CREB5: variants seen among roughly 807,000 people sequenced by gnomAD.
The protein encoded by CREB5 is cAMP responsive element binding protein 5.
Under a neutral mutation model 57.1 loss-of-function variants are expected in CREB5, and 19 were observed. That is an observed-to-expected ratio of 0.33 (90% CI 0.23 to 0.49). CREB5 has a LOEUF of 0.49. Ranked by LOEUF, CREB5 falls within the 20% of genes least tolerant of loss-of-function variation. The pLI, the probability that CREB5 is intolerant of heterozygous loss-of-function variation, is 0.99. For synonymous variants in CREB5, 238 were observed against 238.3 expected, an observed-to-expected ratio of 1.00 and a Z score of 0.01; for missense variants, 579 against 671.6, an observed-to-expected ratio of 0.86 and a Z score of 1.52.
At chr7:28,428,245 G>A (rs1009839363) in intron 1 of CREB5, among the ~76,000 whole-genome samples, 12 of 152,204 alleles carry the variant, frequency 7.9e-5, no homozygotes, top group Non-Finnish European at 7.3e-5. Flanking sequence ...AGTGGGAGCT[G>A]CTGGGTGGCT....
chr7:28,733,995 G>A (rs1217455666), intron 7 of CREB5, among the ~76,000 whole-genome samples: 1 of 152,038 alleles, frequency 6.6e-6, no homozygotes, highest in Admixed American at 6.6e-5. Flanking sequence ...ACACTGAACA[G>A]GTGTGAATTC....
At chr7:28,376,345 T>A (rs1786825317) in intron 1 of CREB5, among the ~76,000 whole-genome samples, 1 of 151,630 alleles carries the variant, frequency 6.6e-6, no homozygotes, top group African/African-American at 2.4e-5. Context: ...CTCATCTCAT[T>A]GCAACCTTCA....
At chr7:28,609,176 A>C (rs780894964) in intron 5 of CREB5, 6 of 152,206 alleles carry the variant, frequency 3.9e-5, no homozygotes, top group Non-Finnish European at 8.8e-5. Context: ...TAATATGTAG[A>C]TCTTGAATAG....
At chr7:28,605,911 G>A (rs368797682) in intron 5 of CREB5, among the ~76,000 whole-genome samples, 22 of 152,246 alleles carry the variant, frequency 1.4e-4, no homozygotes, top group East Asian at 5.8e-4. Context: ...AATTTTTTGA[G>A]GTGACAAAAA....
intron 1 of CREB5, among the ~76,000 whole-genome samples, chr7:28,314,105 A>G (rs1785331785): frequency 6.6e-6 from 1 of 152,138 alleles, no homozygotes; most frequent in Non-Finnish European, 1.5e-5. Context: ...AAACATATCT[A>G]TGTTTCCAAG....
chr7:28,592,999 G>A (rs1796577286), intron 5 of CREB5, among the ~76,000 whole-genome samples: 1 of 152,214 alleles, frequency 6.6e-6, no homozygotes, highest in Admixed American at 6.5e-5. Flanking sequence ...AAGTAGTGGG[G>A]TGTGCATGGC....
chr7:28,583,268 G>A (rs909273799), intron 5 of CREB5, among the ~76,000 whole-genome samples: 13 of 152,200 alleles, frequency 8.5e-5, no homozygotes, highest in Non-Finnish European at 1.9e-4. Context: ...GTGAATTATT[G>A]GGTATGATAA....
chr7:28,621,821 A>G (rs1215428638), intron 5 of CREB5, among the ~76,000 whole-genome samples: 1 of 152,232 alleles, frequency 6.6e-6, no homozygotes, highest in Non-Finnish European at 1.5e-5. Context: ...TTAAAGTATT[A>G]AGGACAACAT....
chr7:28,326,215 A>T (rs1410481601), intron 1 of CREB5, among the ~76,000 whole-genome samples: 3 of 148,842 alleles, frequency 2.0e-5, no homozygotes, highest in Non-Finnish European at 3.0e-5. Flanking sequence ...CTATCTACCT[A>T]TCTATCTTGA....
At chr7:28,748,692 C>G (rs955832915) in intron 7 of CREB5, among the ~76,000 whole-genome samples, 27 of 152,250 alleles carry the variant, frequency 1.8e-4, no homozygotes, top group African/African-American at 6.5e-4. Flanking sequence ...AGCCTCTACT[C>G]AGATAGATTT....
At chr7:28,454,402 C>T (rs1789997285) in intron 1 of CREB5, among the ~76,000 whole-genome samples, 2 of 152,172 alleles carry the variant, frequency 1.3e-5, no homozygotes, top group South Asian at 4.2e-4. Flanking sequence ...AGTGTGGCTC[C>T]AGAGGCACCT....
At position 28,732,576 on chromosome 7, in the gene CREB5, A is replaced by G. The variant is rs570961517; in HGVS notation, c.702+8244A>G. 3.3e-5 allele frequency among the ~76,000 whole-genome samples: 5 copies of G among 152,332 alleles called. No individual in the cohort carries two copies. In the South Asian group the frequency reaches 6.2e-4, roughly 19 times the overall value. On this transcript the variant is annotated intron_variant, in intron 7 of 10. Transcript: ENST00000357727. ...CAGGAAAAAAAAAGGAAATTTAACA[A>G]TCTTGTTACAGGGAAGTTCTGCTTT...
At chr7:28,617,145 T>C (rs990745848) in intron 5 of CREB5, among the ~76,000 whole-genome samples, 3 of 152,240 alleles carry the variant, frequency 2.0e-5, no homozygotes. Flanking sequence ...AAAGTCTGTT[T>C]GCTATGCAGA....
intron 4 of CREB5, among the ~76,000 whole-genome samples, chr7:28,518,194 CTT>C (rs1793057250): frequency 6.6e-6 from 1 of 152,154 alleles, no homozygotes; most frequent in African/African-American, 2.4e-5. Flanking sequence ...TCTAAGAAAA[CTT>C]TGAAAGTTAA....
chr7:28,385,669 C>A, intron 1 of CREB5, among the ~76,000 whole-genome samples: 1 of 143,854 alleles, frequency 7.0e-6, no homozygotes, highest in Non-Finnish European at 1.6e-5. Flanking sequence ...AGAAAGAGAC[C>A]CTGTCTCAAA....
At chr7:28,426,428 T>C (rs1477067210) in intron 1 of CREB5, among the ~76,000 whole-genome samples, 1 of 152,194 alleles carries the variant, frequency 6.6e-6, no homozygotes, top group African/African-American at 2.4e-5. Flanking sequence ...GTGCCCTGTC[T>C]CAAGGCCCCT....
intron 1 of CREB5, among the ~76,000 whole-genome samples, chr7:28,396,856 T>G (rs939972667): frequency 3.3e-5 from 5 of 152,196 alleles, no homozygotes; most frequent in Non-Finnish European, 7.4e-5. Flanking sequence ...TCTGCCTTCA[T>G]CTCCCTTTAC....
At chr7:28,789,787 C>T (rs1337926776) in intron 7 of CREB5, among the ~76,000 whole-genome samples, 2 of 151,970 alleles carry the variant, frequency 1.3e-5, no homozygotes, top group Non-Finnish European at 2.9e-5. Context: ...ATACACATTC[C>T]TAGAGTCCCA....
chr7:28,488,841 T>C (rs1791680101), intron 2 of CREB5, among the ~76,000 whole-genome samples: 1 of 152,226 alleles, frequency 6.6e-6, no homozygotes, highest in South Asian at 2.1e-4. Context: ...TTCGAAGAGA[T>C]ACTGCTGGTA....
Sources: gnomAD v4.1 joint callset for allele counts (sites outside exome capture counted in the v4.1 genomes callset) on GRCh38, gnomAD v4.1.1 for gene constraint, MANE v1.5 for transcripts, NCBI Gene and HGNC (gene_info 2026-07-23, HGNC 2026-07-21) for gene names.